Variants in RSU1 observed in about 807,000 individuals in gnomAD.
RSU1 encodes the protein rsu-1.
A neutral mutation model predicts 31.1 loss-of-function variants in RSU1; 26 were observed. The ratio of observed to expected loss-of-function variants is 0.84; its 90% CI spans 0.61 to 1.16. RSU1 has a LOEUF of 1.16. RSU1 is among the 50% of genes most tolerant of loss of function. The pLI is 0.00. For missense variants in RSU1, 320 were observed against 339.1 expected (o/e 0.94, Z 0.44); for synonymous variants, 164 against 136.3 (o/e 1.20, Z -1.41).
At chr10:16,778,228 A>G (rs1837576397) in intron 3 of RSU1, among the ~76,000 whole-genome samples, 1 of 151,978 alleles carries the variant, frequency 6.6e-6, no homozygotes, top group African/African-American at 2.4e-5. Flanking sequence ...ATGTATCTTT[A>G]GAGCATCACG....
chr10:16,670,804 A>G (rs1170654813), intron 8 of RSU1, among the ~76,000 whole-genome samples: 2 of 151,948 alleles, frequency 1.3e-5, no homozygotes, highest in Non-Finnish European at 2.9e-5. Context: ...TGCTCTTGTC[A>G]CCCAGGCTGG....
intron 7 of RSU1, among the ~76,000 whole-genome samples, chr10:16,741,317 G>C (rs1006279660): frequency 1.3e-5 from 2 of 152,080 alleles, no homozygotes; most frequent in Non-Finnish European, 2.9e-5. Flanking sequence ...AACTCAAAAT[G>C]GATCAAAGAT....
chr10:16,764,103 C>T (rs768160450), intron 4 of RSU1, among the ~76,000 whole-genome samples: 12 of 152,080 alleles, frequency 7.9e-5, no homozygotes, highest in Non-Finnish European at 1.5e-4. Context: ...AGTCCCTTCT[C>T]GGTCAGCAGA....
chr10:16,749,858 T>C (rs1392712865), intron 7 of RSU1, among the ~76,000 whole-genome samples: 3 of 152,168 alleles, frequency 2.0e-5, no homozygotes, highest in Non-Finnish European at 4.4e-5. Context: ...TTGTGTTTTG[T>C]TCAAACTTGG....
Position 16,773,562 on chromosome 10 carries a change from C to T in RSU1, c.160+8472G>A, listed in dbSNP as rs139511268. ...CTTGCAGAGGCAGCAGGGGACACGGCGGAGCAGCCACTTGGAAGCTGTACA... is the reference window on the plus strand; with the variant it reads ...CTTGCAGAGGCAGCAGGGGACACGGTGGAGCAGCCACTTGGAAGCTGTACA... On this transcript the variant is annotated intron_variant, in intron 3 of 8. Transcript: ENST00000345264. Among the ~76,000 whole-genome samples, 18 of 152,304 alleles carry T rather than the reference C, an allele frequency of 1.2e-4. No homozygotes were observed. The East Asian group carries it at 2.9e-3, about 25-fold the overall frequency.
At chr10:16,637,418 T>G (rs1322695242) in intron 8 of RSU1, among the ~76,000 whole-genome samples, 3 of 151,468 alleles carry the variant, frequency 2.0e-5, no homozygotes, top group Non-Finnish European at 4.4e-5. Flanking sequence ...CCCTTAAGAG[T>G]GGACGCCGTG....
At chr10:16,735,752 C>T (rs893777134) in intron 7 of RSU1, among the ~76,000 whole-genome samples, 2 of 152,138 alleles carry the variant, frequency 1.3e-5, no homozygotes. Flanking sequence ...ATAAAACCAT[C>T]AGAGCTTGTA....
chr10:16,657,509 A>G (rs7075985), intron 8 of RSU1, among the ~76,000 whole-genome samples: 10,765 of 149,224 alleles, frequency 0.072, 636 homozygotes, highest in East Asian at 0.19. Context: ...TAATATTACC[A>G]TAACATCTCA....
intron 7 of RSU1, among the ~76,000 whole-genome samples, chr10:16,712,000 G>A (rs984000893): frequency 6.6e-6 from 1 of 151,938 alleles, no homozygotes; most frequent in Non-Finnish European, 1.5e-5. Flanking sequence ...TGTTTGTTTT[G>A]TACATCTGTA....
At chr10:16,630,551 C>A (rs1375883168) in intron 8 of RSU1, among the ~76,000 whole-genome samples, 1 of 152,154 alleles carries the variant, frequency 6.6e-6, no homozygotes, top group Non-Finnish European at 1.5e-5. Flanking sequence ...ATTAATGGAA[C>A]TGTTGATGGG....
At chr10:16,607,027 T>C (rs751444582) in intron 8 of RSU1, among the ~76,000 whole-genome samples, 39 of 152,134 alleles carry the variant, frequency 2.6e-4, no homozygotes, top group Non-Finnish European at 4.4e-4. Context: ...TCATGTAGAA[T>C]TGTAGTCCTC....
At position 16,590,839 on chromosome 10, in the gene RSU1, T is replaced by G. The variant is rs563837253; in HGVS notation, c.*2555A>C. The G allele has an allele frequency of 6.6e-6, 1 of 152,174 alleles. No individual in the cohort carries two copies. Among genetic ancestry groups the G allele is most frequent in the Admixed American group, 6.5e-5 (1 of 15,280 alleles). 9.4% of individuals were successfully genotyped at this position (152,174 alleles called of 1,614,324 possible). ...TGACACAGCTGGGACCATCCTTATATAGTTAGTTTTAAAAATCTTGCTTTT... is the reference window on the plus strand; with the variant it reads ...TGACACAGCTGGGACCATCCTTATAGAGTTAGTTTTAAAAATCTTGCTTTT... On this transcript the variant is annotated 3_prime_UTR_variant, in exon 9 of 9. Transcript: ENST00000345264.
At chr10:16,802,437 C>T (rs1168707936) in intron 2 of RSU1, among the ~76,000 whole-genome samples, 5 of 152,000 alleles carry the variant, frequency 3.3e-5, no homozygotes, top group Non-Finnish European at 1.5e-5. Context: ...AAATTAATAA[C>T]CTTCTAAAAG....
chr10:16,714,023 T>C (rs1836074973), intron 7 of RSU1, among the ~76,000 whole-genome samples: 1 of 152,108 alleles, frequency 6.6e-6, no homozygotes, highest in South Asian at 2.1e-4. Flanking sequence ...AGTGTGTGGT[T>C]TTGCTGGGAG....
At chr10:16,709,714 T>A (rs199904441) in intron 7 of RSU1, among the ~76,000 whole-genome samples, 1 of 152,198 alleles carries the variant, frequency 6.6e-6, no homozygotes, top group Non-Finnish European at 1.5e-5. Context: ...GGTATCTCAT[T>A]GTGGTTTTGA....
chr10:16,718,532 C>A (rs1035183759), intron 7 of RSU1, among the ~76,000 whole-genome samples: 5 of 152,154 alleles, frequency 3.3e-5, no homozygotes, highest in African/African-American at 1.2e-4. Flanking sequence ...GTCCTCTAAT[C>A]TAATGGAGAG....
At chr10:16,673,195 T>G (rs10752058) in intron 8 of RSU1, among the ~76,000 whole-genome samples, 42,808 of 151,954 alleles carry the variant, frequency 0.28, 6,200 homozygotes, top group African/African-American at 0.34. Context: ...GGAGAAGCGT[T>G]CATCTCCGGT....
At chr10:16,733,746 T>G (rs765198002) in intron 7 of RSU1, among the ~76,000 whole-genome samples, 1 of 152,058 alleles carries the variant, frequency 6.6e-6, no homozygotes, top group Non-Finnish European at 1.5e-5. Flanking sequence ...AATTCTAGAG[T>G]ATCTATTAAA....
intron 7 of RSU1, among the ~76,000 whole-genome samples, chr10:16,732,122 C>G (rs77329734): frequency 1.3e-5 from 2 of 151,736 alleles, no homozygotes; most frequent in African/African-American, 2.4e-5. Flanking sequence ...GAATGAAAAG[C>G]AGTTCTGATG....
Sources: allele counts gnomAD v4.1 joint callset (sites outside exome capture counted in the v4.1 genomes callset), GRCh38; gene constraint gnomAD v4.1.1; transcripts MANE v1.5; gene names NCBI Gene and HGNC (gene_info 2026-07-23, HGNC 2026-07-21).